DDX60L: variants seen among roughly 807,000 people sequenced by gnomAD.
DDX60L encodes probable ATP-dependent RNA helicase DDX60-like.
Under a neutral mutation model 211.6 loss-of-function variants are expected in DDX60L, and 191 were observed. That is an observed-to-expected ratio of 0.90 (90% CI 0.80 to 1.02). The LOEUF is 1.02. DDX60L is among the 50% of genes least tolerant of loss of function. The probability of loss-of-function intolerance (pLI) is 0.00; values close to 1 mark genes in which losing one functional copy is unlikely to be tolerated. For synonymous variants in DDX60L, 706 were observed against 694.1 expected (o/e 1.02, Z -0.27); for missense variants, 2,007 against 1,984.1 (o/e 1.01, Z -0.22).
At chr4:168,412,590 C>T (rs546839949) in intron 22 of DDX60L, among the ~76,000 whole-genome samples, 1 of 152,110 alleles carries the variant, frequency 6.6e-6, no homozygotes, top group Non-Finnish European at 1.5e-5. Flanking sequence ...ACGTGAGATC[C>T]GGGGAACCTG....
At chr4:168,431,611 G>A (rs1029498571) in intron 12 of DDX60L, among the ~76,000 whole-genome samples, 1 of 150,986 alleles carries the variant, frequency 6.6e-6, no homozygotes, top group African/African-American at 2.4e-5. Context: ...TAAATGACGA[G>A]TTAATGGGTG....
chr4:168,368,197 A>C (rs1740319800), intron 36 of DDX60L, among the ~76,000 whole-genome samples: 1 of 152,186 alleles, frequency 6.6e-6, no homozygotes, highest in South Asian at 2.1e-4. Flanking sequence ...AGGAGGAAAA[A>C]GTGGTTTCAT....
chr4:168,459,064 C>A (rs1689789524), intron 5 of DDX60L, among the ~76,000 whole-genome samples: 1 of 152,084 alleles, frequency 6.6e-6, no homozygotes, highest in South Asian at 2.1e-4. Flanking sequence ...ACATATAATA[C>A]ATCTATAATA....
At position 168,391,649 on chromosome 4, in the gene DDX60L, GAAAAA is replaced by G; in HGVS notation, c.3811-10_3811-6del. 7 of 1,070,456 alleles carry G rather than the reference GAAAAA, an allele frequency of 6.5e-6. No individual in the cohort carries two copies. Among genetic ancestry groups the G allele is most frequent in the Admixed American group, 3.2e-5 (1 of 31,290 alleles). The allele number at this position is 1,070,456 out of a possible 1,614,324, so 66.3% of individuals were successfully genotyped here. On this transcript the variant is annotated splice_region_variant and splice_polypyrimidine_tract_variant and intron_variant, in intron 28 of 37. Coordinates refer to ENST00000682922, the MANE Select transcript of DDX60L (RefSeq NM_001012967.3). ...TGTTTCAGTAGCTGTCACTACCTAG[GAAAAA>G]AAAAAAAAAACAGTCAATACACAAT...
intron 4 of DDX60L, among the ~76,000 whole-genome samples, chr4:168,466,610 G>C (rs1758022294): frequency 2.0e-5 from 3 of 152,188 alleles, no homozygotes; most frequent in Admixed American, 6.5e-5. Context: ...ATTTCAAGTA[G>C]AGCAGTTGCT....
Position 168,371,646 on chromosome 4 carries a change from G to A in DDX60L, c.4894C>T (p.His1632Tyr). The change falls in exon 36 of 38, where the codon CAC becomes TAC. Residue 1632 changes from histidine to tyrosine, a missense_variant. Transcript: ENST00000682922. ...TGGTCTAATCTTGTCAAGCAGTTGTGTTTATAGAAATTGAGCACATATGCA... is the reference window on the plus strand; with the variant it reads ...TGGTCTAATCTTGTCAAGCAGTTGTATTTATAGAAATTGAGCACATATGCA... Reference protein sequence around the residue: ...LNAYVLNFYKHNCLTRLDQKN... With the variant: ...LNAYVLNFYKYNCLTRLDQKN... The A allele has an allele frequency of 6.3e-7, 1 of 1,579,210 alleles. No homozygotes were observed. Among genetic ancestry groups the A allele is most frequent in the African/African-American group, 1.4e-5 (1 of 73,986 alleles).
In DDX60L at chr4:168,417,096, T is replaced by C. The variant is rs80335715; in HGVS notation, c.2611-299A>G. On this transcript the variant is annotated intron_variant, in intron 19 of 37. Coordinates refer to ENST00000682922, the MANE Select transcript of DDX60L (RefSeq NM_001012967.3). ...CATCACCTGGCTTTCTACAACAGCCTTCTGATTTTTCTCTTAGCTTCCACT... is the reference window on the plus strand; with the variant it reads ...CATCACCTGGCTTTCTACAACAGCCCTCTGATTTTTCTCTTAGCTTCCACT... 8.0e-3 allele frequency among the ~76,000 whole-genome samples: 1,216 copies of C among 152,304 alleles called. 15 individuals are homozygous for C. The highest frequency in any genetic ancestry group is 0.027 in the African/African-American group (1,125 of 41,578).
chr4:168,463,103 A>G (rs1042605959), intron 4 of DDX60L, among the ~76,000 whole-genome samples: 1 of 152,212 alleles, frequency 6.6e-6, no homozygotes, highest in African/African-American at 2.4e-5. Flanking sequence ...TGAAAGATCT[A>G]CCATTCGACC....
intron 10 of DDX60L, among the ~76,000 whole-genome samples, chr4:168,435,993 A>T (rs2451036): frequency 1.3e-5 from 2 of 152,204 alleles, no homozygotes; most frequent in Non-Finnish European, 2.9e-5. Flanking sequence ...TAGGAGTCCA[A>T]TTGTGTGGGG....
intron 9 of DDX60L, among the ~76,000 whole-genome samples, chr4:168,448,193 G>A (rs1755119531): frequency 6.6e-6 from 1 of 152,086 alleles, no homozygotes; most frequent in Non-Finnish European, 1.5e-5. Flanking sequence ...GGAAAAATAT[G>A]TTTTGAAATG....
intron 12 of DDX60L, 70 bp from the exon 13 acceptor site, chr4:168,430,708 A>G (rs1752211247): frequency 8.3e-7 from 1 of 1,203,306 alleles, no homozygotes; most frequent in South Asian, 2.0e-5. Context: ...CTACCCACAC[A>G]TTATTTTTTT....
chr4:168,442,526 C>T (rs1454462804), intron 9 of DDX60L, among the ~76,000 whole-genome samples: 2 of 152,220 alleles, frequency 1.3e-5, no homozygotes, highest in African/African-American at 4.8e-5. Context: ...GAGCCCACCA[C>T]AGCTCAAGGA....
chr4:168,445,646 A>C (rs376471885), intron 9 of DDX60L, among the ~76,000 whole-genome samples: 6 of 151,978 alleles, frequency 3.9e-5, no homozygotes, highest in Admixed American at 3.3e-4. Context: ...TACTGGCAAA[A>C]CAAATCCAGC....
intron 14 of DDX60L, among the ~76,000 whole-genome samples, chr4:168,424,666 G>A (rs1023104716): frequency 6.6e-6 from 1 of 152,088 alleles, no homozygotes; most frequent in African/African-American, 2.4e-5. Flanking sequence ...AGGAGAAGTT[G>A]GGAGGACTCC....
rs1461445371 is a variant in DDX60L, at chr4:168,357,379, C to G, written c.*768G>C. On this transcript the variant is annotated 3_prime_UTR_variant, in exon 38 of 38. Transcript: ENST00000682922. ...ACAGACTAGATGGCTAAACAACAAACATGTATTTCTCACAATCCTGGAGGC... is the reference window on the plus strand; with the variant it reads ...ACAGACTAGATGGCTAAACAACAAAGATGTATTTCTCACAATCCTGGAGGC... 1 of 152,224 alleles carries G rather than the reference C, an allele frequency of 6.6e-6. No homozygotes were observed. Among genetic ancestry groups the G allele is most frequent in the African/African-American group, 2.4e-5 (1 of 41,444 alleles). 9.4% of individuals were successfully genotyped at this position (152,224 alleles called of 1,614,324 possible). A position where few individuals can be genotyped will look rare whatever the true frequency, so the allele number is the denominator to read the frequency against.
chr4:168,457,930 G>A lies in DDX60L; in HGVS notation c.685C>T (p.His229Tyr). Reference sequence around the variant, plus strand: ...TCATTCCATTTCAAATGTTCAAAATGAGTTGCTAATACTAAAACCCTTATT... The same window carrying A: ...TCATTCCATTTCAAATGTTCAAAATAAGTTGCTAATACTAAAACCCTTATT... ...EEIRVLVLAT[H>Y]FEHLKWNDMM... Residue 229 changes from histidine (H) to tyrosine (Y), a missense_variant, in exon 6 of 38, where the codon CAT (histidine) becomes TAT (tyrosine). Physicochemically the swap from His to Tyr is moderately conservative, Grantham distance 83. Transcript: ENST00000682922. 2.6e-6 allele frequency: 4 copies of A among 1,565,410 alleles called. No homozygotes were observed. The highest frequency in any genetic ancestry group is 3.5e-6 in the Non-Finnish European group (4 of 1,153,390).
At chr4:168,373,545 A>T (rs773143079) in intron 35 of DDX60L, 121 bp downstream of exon 35, 22 of 990,876 alleles carry the variant, frequency 2.2e-5, no homozygotes, top group Non-Finnish European at 3.2e-5. Context: ...TTAGACAATG[A>T]TGCTCATCAG....
chr4:168,403,084 T>C (rs1287433397), intron 25 of DDX60L, among the ~76,000 whole-genome samples: 9 of 152,228 alleles, frequency 5.9e-5, no homozygotes, highest in African/African-American at 2.2e-4. Flanking sequence ...GTAATCTAGA[T>C]AGATGTTATA....
In DDX60L at chr4:168,430,549, T is replaced by A. The variant is rs540330308; in HGVS notation, c.1606A>T (p.Thr536Ser). ...FYGKSLESIS[T>S]KVIVTQTTRP... is the part of the protein sequence containing the mutation. ...GTAGTTTGAGTCACAATGACTTTCG[T>A]AGAGATTGATTCTAACGATTTCCCA... is the stretch of plus-strand genomic sequence containing the variant. Residue 536 changes from threonine to serine, a missense_variant, in exon 13 of 38, where the codon ACG (threonine) becomes TCG (serine). Transcript: ENST00000682922. The A allele has an allele frequency of 1.9e-6, 3 of 1,611,146 alleles. No individual in the cohort carries two copies. The East Asian group carries it at 6.7e-5, about 36-fold the overall frequency.
Sources: gnomAD v4.1 joint callset for allele counts (sites outside exome capture counted in the v4.1 genomes callset) on GRCh38, gnomAD v4.1.1 for gene constraint, MANE v1.5 for transcripts, NCBI Gene and HGNC (gene_info 2026-07-23, HGNC 2026-07-21) for gene names.